The following NAALADL2 variants were observed in gnomAD, a reference collection of about 807,000 sequenced individuals.
The protein encoded by NAALADL2 is inactive N-acetylated-alpha-linked acidic dipeptidase-like protein 2.
NAALADL2 carries 76 observed loss-of-function variants against 87.2 expected under a neutral mutation model. That is an observed-to-expected ratio of 0.87 (90% CI 0.72 to 1.05). NAALADL2 has a LOEUF of 1.05. Ranked by LOEUF, NAALADL2 falls within the 50% of genes least tolerant of loss-of-function variation. The pLI, the probability that NAALADL2 is intolerant of heterozygous loss-of-function variation, is 0.00. For missense variants in NAALADL2, 1,089 were observed against 945.8 expected (o/e 1.15, Z -1.99); for synonymous variants, 354 against 331.0 (o/e 1.07, Z -0.75).
At chr3:175,235,999 T>G (rs1376625805) in intron 3 of NAALADL2, among the ~76,000 whole-genome samples, 1 of 152,138 alleles carries the variant, frequency 6.6e-6, no homozygotes, top group African/African-American at 2.4e-5. Context: ...CCCGTGCACT[T>G]TCATATTGTA....
At chr3:175,406,688 G>A (rs1464249330) in intron 5 of NAALADL2, among the ~76,000 whole-genome samples, 2 of 151,990 alleles carry the variant, frequency 1.3e-5, no homozygotes, top group Non-Finnish European at 2.9e-5. Context: ...TTTCTATCCT[G>A]TATATATACC....
At chr3:175,637,576 C>A (rs1285859253) in intron 11 of NAALADL2, among the ~76,000 whole-genome samples, 3 of 152,040 alleles carry the variant, frequency 2.0e-5, no homozygotes, top group Non-Finnish European at 4.4e-5. Context: ...AGCATGGCAC[C>A]TCCCCAGTCC....
At chr3:174,833,033 A>T (rs1218508368) in intron 3 of NAALADL2, among the ~76,000 whole-genome samples, 1 of 151,978 alleles carries the variant, frequency 6.6e-6, no homozygotes, top group Non-Finnish European at 1.5e-5. Context: ...TACCCATTCT[A>T]CCCCACTTCC....
intron 2 of NAALADL2, among the ~76,000 whole-genome samples, chr3:174,730,054 A>G (rs960429589): frequency 6.6e-6 from 1 of 151,960 alleles, no homozygotes; most frequent in Admixed American, 6.6e-5. Context: ...CTAATTTTCC[A>G]CTTCTTAAAA....
intron 2 of NAALADL2, among the ~76,000 whole-genome samples, chr3:174,687,898 C>T (rs1440239904): frequency 1.3e-5 from 2 of 152,012 alleles, no homozygotes; most frequent in Admixed American, 1.3e-4. Flanking sequence ...CTCTTGCCTG[C>T]CACCATATAA....
intron 1 of NAALADL2, among the ~76,000 whole-genome samples, chr3:174,482,382 A>T (rs1034768549): frequency 2.2e-4 from 33 of 152,062 alleles, no homozygotes. Context: ...GAGTTTCCTA[A>T]TCAGAGGAAG....
chr3:175,400,801 A>G (rs1226973090), intron 5 of NAALADL2, among the ~76,000 whole-genome samples: 1 of 152,102 alleles, frequency 6.6e-6, no homozygotes, highest in African/African-American at 2.4e-5. Flanking sequence ...TCAATCCAGC[A>G]TTATTTTCAA....
intron 8 of NAALADL2, among the ~76,000 whole-genome samples, chr3:175,471,414 G>C (rs1241510841): frequency 1.3e-5 from 2 of 149,388 alleles, no homozygotes; most frequent in African/African-American, 2.5e-5. Context: ...GGTGAAACTT[G>C]CAGTGAGCTG....
intron 1 of NAALADL2, among the ~76,000 whole-genome samples, chr3:174,466,428 G>A (rs931204606): frequency 6.6e-6 from 1 of 152,120 alleles, no homozygotes; most frequent in Non-Finnish European, 1.5e-5. Flanking sequence ...ACCTATGGCT[G>A]CAAGGGAAGC....
chr3:174,851,809 A>G (rs1038049214), intron 3 of NAALADL2, among the ~76,000 whole-genome samples: 7 of 152,166 alleles, frequency 4.6e-5, no homozygotes, highest in Non-Finnish European at 8.8e-5. Context: ...TCTGATGATC[A>G]TAGATTCCAA....
chr3:174,836,895 G>C (rs1723397172), intron 3 of NAALADL2, among the ~76,000 whole-genome samples: 1 of 151,896 alleles, frequency 6.6e-6, no homozygotes, highest in Non-Finnish European at 1.5e-5. Flanking sequence ...GAAGAAAATA[G>C]GGAAATATTT....
chr3:175,011,712 A>G (rs1034145121), intron 1 of NAALADL2, among the ~76,000 whole-genome samples: 4 of 152,152 alleles, frequency 2.6e-5, no homozygotes, highest in African/African-American at 9.7e-5. Flanking sequence ...CTAATACATG[A>G]GGACAGCAGA....
intron 4 of NAALADL2, among the ~76,000 whole-genome samples, chr3:175,263,574 G>A (rs1751445388): frequency 6.6e-6 from 1 of 151,822 alleles, no homozygotes; most frequent in Non-Finnish European, 1.5e-5. Flanking sequence ...TCAGAAGGTT[G>A]ATTTTCGCAT....
intron 5 of NAALADL2, among the ~76,000 whole-genome samples, chr3:175,398,551 T>C (rs1770140908): frequency 6.6e-6 from 1 of 151,934 alleles, no homozygotes; most frequent in African/African-American, 2.4e-5. Flanking sequence ...AAGGAAGTTT[T>C]TGCAGAAATT....
chr3:174,760,831 C>T (rs577264349), intron 3 of NAALADL2, among the ~76,000 whole-genome samples: 16 of 152,324 alleles, frequency 1.1e-4, no homozygotes, highest in African/African-American at 3.8e-4. Context: ...GTTTTGAATT[C>T]GGTTCAATTA....
chr3:175,664,882 T>C (rs1274961808), intron 11 of NAALADL2, among the ~76,000 whole-genome samples: 1 of 152,170 alleles, frequency 6.6e-6, no homozygotes, highest in African/African-American at 2.4e-5. Context: ...TACCTTATCA[T>C]ATTTCCAGCT....
chr3:175,107,324 T>A (rs57768459), intron 2 of NAALADL2, among the ~76,000 whole-genome samples: 93,129 of 151,764 alleles, frequency 0.61, 29,251 homozygotes, highest in African/African-American at 0.76. Context: ...GGAAAGACTG[T>A]CCTTCCCAGA....
chr3:174,608,262 A>G (rs1719355927), intron 2 of NAALADL2, among the ~76,000 whole-genome samples: 1 of 152,116 alleles, frequency 6.6e-6, no homozygotes, highest in Non-Finnish European at 1.5e-5. Context: ...AAGAACTAGA[A>G]AAGCAAGAGC....
chr3:175,430,364 A>G (rs1243074127), intron 5 of NAALADL2, among the ~76,000 whole-genome samples: 1 of 151,964 alleles, frequency 6.6e-6, no homozygotes, highest in Non-Finnish European at 1.5e-5. Flanking sequence ...TGGAAACTTG[A>G]AAGCAATGAA....
Sources: gnomAD v4.1 joint callset for allele counts (sites outside exome capture counted in the v4.1 genomes callset) on GRCh38, gnomAD v4.1.1 for gene constraint, MANE v1.5 for transcripts, NCBI Gene and HGNC (gene_info 2026-07-23, HGNC 2026-07-21) for gene names.